The following ZNF385B variants were observed in gnomAD, a reference collection of about 807,000 sequenced individuals.
The protein encoded by ZNF385B is zinc finger protein 385B.
Under a neutral mutation model 39.2 loss-of-function variants are expected in ZNF385B, and 23 were observed. The observed-to-expected ratio is 0.59, with a 90% CI of 0.42 to 0.83. The LOEUF (loss-of-function observed/expected upper bound fraction) is 0.83. ZNF385B is among the 40% of genes least tolerant of loss of function. The pLI is 0.00. For missense variants in ZNF385B, 552 were observed against 598.9 expected (o/e 0.92, Z 0.82); for synonymous variants, 205 against 222.6 (o/e 0.92, Z 0.70).
intron 7 of ZNF385B, 127 bp downstream of exon 7, chr2:179,446,398 T>A: frequency 7.5e-7 from 1 of 1,341,640 alleles, no homozygotes; most frequent in South Asian, 1.7e-5. Flanking sequence ...AAATCACTCC[T>A]TTGAATCAAA....
chr2:179,795,987 T>TTCCATGAAACAGAAACTA (rs1705638730), intron 1 of ZNF385B, among the ~76,000 whole-genome samples: 2 of 152,212 alleles, frequency 1.3e-5, no homozygotes, highest in Middle Eastern at 3.2e-3. Context: ...TCCCTCTTTT[T>TTCCATGAAACAGAAACTA]TCCATGAAAC....
chr2:179,797,888 T>A (rs929172320), intron 1 of ZNF385B, among the ~76,000 whole-genome samples: 1 of 152,170 alleles, frequency 6.6e-6, no homozygotes, highest in African/African-American at 2.4e-5. Flanking sequence ...ATAGTAATAC[T>A]CTAATCCTAC....
chr2:179,493,801 G>T (rs1177995696), intron 5 of ZNF385B, among the ~76,000 whole-genome samples: 1 of 139,718 alleles, frequency 7.2e-6, no homozygotes, highest in African/African-American at 2.7e-5. Context: ...ATACATATAT[G>T]TATATATACA....
At chr2:179,593,379 G>C (rs756390256) in intron 3 of ZNF385B, among the ~76,000 whole-genome samples, 2 of 151,972 alleles carry the variant, frequency 1.3e-5, no homozygotes, top group Non-Finnish European at 2.9e-5. Flanking sequence ...TTTTTAAAAA[G>C]CCACAAGGAA....
chr2:179,576,249 C>G, intron 3 of ZNF385B: 2 of 892,124 alleles, frequency 2.2e-6, no homozygotes, highest in Non-Finnish European at 2.7e-6. Flanking sequence ...TCTCCCATGC[C>G]GCTGCCAGAT....
At chr2:179,467,000 A>C (rs1041197488) in intron 6 of ZNF385B, among the ~76,000 whole-genome samples, 1 of 150,958 alleles carries the variant, frequency 6.6e-6, no homozygotes, top group Non-Finnish European at 1.5e-5. Flanking sequence ...GAGGGAAGAA[A>C]TTCCACATAG....
chr2:179,696,326 C>CTTTTTGTTTTTTTTT (rs1698745662), intron 3 of ZNF385B, among the ~76,000 whole-genome samples: 1 of 40,354 alleles, frequency 2.5e-5, no homozygotes, highest in African/African-American at 1.0e-4. Context: ...CAAACTGGGA[C>CTTTTTGTTTTTTTTT]TTTTTTTTTT....
intron 3 of ZNF385B, among the ~76,000 whole-genome samples, chr2:179,752,100 A>G (rs1702714316): frequency 6.6e-6 from 1 of 151,764 alleles, no homozygotes; most frequent in Non-Finnish European, 1.5e-5. Context: ...CCACCCCACG[A>G]CAGGCCCCGG....
At chr2:179,767,905 A>AAT (rs1025735550) in intron 3 of ZNF385B, among the ~76,000 whole-genome samples, 176 of 148,438 alleles carry the variant, frequency 1.2e-3, no homozygotes, top group Non-Finnish European at 2.1e-3. Context: ...CCTAACACTA[A>AAT]ATATATATAT....
chr2:179,707,361 G>A lies in ZNF385B; in HGVS notation c.298+62142C>T, dbSNP rs78416355. On this transcript the variant is annotated intron_variant, in intron 3 of 9. Transcript: ENST00000410066. ...CCTGGCCCTGAGGAAGCACCTCTATGATGCCAATAATGAGGACCAGCCATC... is the reference window on the plus strand; with the variant it reads ...CCTGGCCCTGAGGAAGCACCTCTATAATGCCAATAATGAGGACCAGCCATC... Among the ~76,000 whole-genome samples the A allele has an allele frequency of 4.1e-3, 621 of 152,340 alleles. 5 individuals are homozygous for A. Among genetic ancestry groups the A allele is most frequent in the South Asian group, 0.019 (91 of 4,828 alleles).
intron 3 of ZNF385B, among the ~76,000 whole-genome samples, chr2:179,706,342 C>T (rs1699597230): frequency 6.6e-6 from 1 of 152,164 alleles, no homozygotes; most frequent in Non-Finnish European, 1.5e-5. Context: ...CCACTGGAGT[C>T]CCCTGTATGT....
At chr2:179,483,194 C>T in intron 6 of ZNF385B, 78 bp downstream of exon 6, 1 of 1,526,664 alleles carries the variant, frequency 6.6e-7, no homozygotes, top group South Asian at 1.2e-5. Context: ...CATGCAACAA[C>T]TGAGGGCAGG....
intron 4 of ZNF385B, among the ~76,000 whole-genome samples, chr2:179,544,071 G>A (rs1349336688): frequency 6.6e-6 from 1 of 152,060 alleles, no homozygotes; most frequent in Non-Finnish European, 1.5e-5. Context: ...CCTGAACTGT[G>A]AACATTTTAT....
intron 1 of ZNF385B, among the ~76,000 whole-genome samples, chr2:179,792,450 C>T (rs1705399212): frequency 6.7e-6 from 1 of 149,520 alleles, no homozygotes; most frequent in African/African-American, 2.5e-5. Context: ...TCTTGGCTCA[C>T]TGCAACCACT....
intron 3 of ZNF385B, among the ~76,000 whole-genome samples, chr2:179,589,549 G>C (rs1480127476): frequency 6.6e-6 from 1 of 152,158 alleles, no homozygotes; most frequent in Non-Finnish European, 1.5e-5. Context: ...CGCAGAGAAG[G>C]GGAAAGAAAT....
intron 3 of ZNF385B, among the ~76,000 whole-genome samples, chr2:179,700,443 T>C (rs7570893): frequency 0.9 from 137,693 of 152,232 alleles, 62,487 homozygotes; most frequent in South Asian, 0.94. Context: ...ATCAATATGC[T>C]ATGTGCCAGG....
chr2:179,684,715 C>T (rs1575223799), intron 3 of ZNF385B, among the ~76,000 whole-genome samples: 1 of 152,304 alleles, frequency 6.6e-6, no homozygotes. Context: ...ACACTTCCAA[C>T]GTTCACTGGG....
At chr2:179,808,941 A>G (rs1229843313) in intron 1 of ZNF385B, among the ~76,000 whole-genome samples, 1 of 152,238 alleles carries the variant, frequency 6.6e-6, no homozygotes, top group Non-Finnish European at 1.5e-5. Flanking sequence ...TAGGACAGAC[A>G]GATAACAATA....
At chr2:179,457,100 T>C (rs536876883) in intron 6 of ZNF385B, among the ~76,000 whole-genome samples, 1 of 152,270 alleles carries the variant, frequency 6.6e-6, no homozygotes, top group East Asian at 1.9e-4. Flanking sequence ...ATCAGTTTTA[T>C]CTATTTTTAA....
Sources: gnomAD v4.1 joint callset for allele counts (sites outside exome capture counted in the v4.1 genomes callset) on GRCh38, gnomAD v4.1.1 for gene constraint, MANE v1.5 for transcripts, NCBI Gene and HGNC (gene_info 2026-07-23, HGNC 2026-07-21) for gene names.